PRKCB: variants seen among roughly 807,000 people sequenced by gnomAD.
The protein encoded by PRKCB is protein kinase C beta type.
PRKCB carries 13 observed loss-of-function variants against 81.5 expected under a neutral mutation model. The ratio of observed to expected loss-of-function variants is 0.16; its 90% CI spans 0.10 to 0.25. The LOEUF is 0.25. Among genes scored for constraint, PRKCB ranks in the 10% least tolerant of loss-of-function variants. The probability of loss-of-function intolerance (pLI) is 1.00; values close to 1 mark genes in which losing one functional copy is unlikely to be tolerated. For missense variants in PRKCB, 509 were observed against 875.7 expected, an observed-to-expected ratio of 0.58 and a Z score of 5.29; for synonymous variants, 335 against 321.4, an observed-to-expected ratio of 1.04 and a Z score of -0.45.
intron 2 of PRKCB, among the ~76,000 whole-genome samples, chr16:23,977,923 C>CTCAT (rs753963144): frequency 6.6e-6 from 1 of 152,104 alleles, no homozygotes; most frequent in Non-Finnish European, 1.5e-5. Flanking sequence ...ACCAGAAGAG[C>CTCAT]TCATTCATTC....
At position 23,836,295 on chromosome 16, in the gene PRKCB, C is replaced by T. The variant is rs1487689045; in HGVS notation, c.120C>T (p.Thr40=). Reference sequence around the variant, plus strand: ...ATGAGGTCAAGAACCACAAATTCACCGCCCGCTTCTTCAAGCAGCCCACCT... The same window carrying T: ...ATGAGGTCAAGAACCACAAATTCACTGCCCGCTTCTTCAAGCAGCCCACCT... ...NVHEVKNHKF[T]ARFFKQPTFC... is the part of the protein sequence containing the mutation. Residue 40 remains threonine, a synonymous_variant, in exon 1 of 17, where the codon ACC becomes ACT. Coordinates refer to ENST00000643927, the MANE Select transcript of PRKCB (RefSeq NM_002738.7). 1.2e-6 allele frequency: 2 copies of T among 1,605,288 alleles called. No homozygotes were observed. The highest frequency in any genetic ancestry group is 1.4e-5 in the African/African-American group (1 of 72,974).
At chr16:24,087,212 G>T (rs552045047) in intron 5 of PRKCB, among the ~76,000 whole-genome samples, 1 of 152,288 alleles carries the variant, frequency 6.6e-6, no homozygotes, top group East Asian at 1.9e-4. Flanking sequence ...TGACAGTTCA[G>T]CTCCAGATTT....
chr16:24,114,017 C>T (rs144704174), intron 8 of PRKCB, among the ~76,000 whole-genome samples: 5 of 151,546 alleles, frequency 3.3e-5, no homozygotes, highest in African/African-American at 1.2e-4. Context: ...AGGAGTTGGA[C>T]ACCAGCCTGG....
At chr16:24,160,807 T>C (rs541539486) in intron 10 of PRKCB, among the ~76,000 whole-genome samples, 53 of 152,122 alleles carry the variant, frequency 3.5e-4, no homozygotes, top group Non-Finnish European at 6.5e-4. Flanking sequence ...AAGGATGACA[T>C]CTGAGCAGAG....
chr16:23,887,914 G>A (rs1963229876), intron 2 of PRKCB, among the ~76,000 whole-genome samples: 1 of 152,192 alleles, frequency 6.6e-6, no homozygotes. Context: ...TCTCCAGCTG[G>A]GGGTGCTGGG....
At chr16:23,979,250 A>G (rs2141811457) in intron 2 of PRKCB, among the ~76,000 whole-genome samples, 1 of 152,352 alleles carries the variant, frequency 6.6e-6, no homozygotes, top group South Asian at 2.1e-4. Flanking sequence ...ACAGTGGCAC[A>G]CGGTGTAGAA....
intron 5 of PRKCB, among the ~76,000 whole-genome samples, chr16:24,055,797 G>A (rs1489587027): frequency 6.6e-6 from 1 of 152,188 alleles, no homozygotes; most frequent in East Asian, 1.9e-4. Context: ...TTTTGTAGGG[G>A]TGTGTGGTGT....
chr16:24,070,540 A>G (rs1291350548), intron 5 of PRKCB, among the ~76,000 whole-genome samples: 1 of 152,222 alleles, frequency 6.6e-6, no homozygotes, highest in African/African-American at 2.4e-5. Context: ...CTAATAGAAC[A>G]GAATAATAAT....
intron 15 of PRKCB, 29 bp from the exon 16 acceptor site, chr16:24,191,061 C>A: frequency 1.9e-6 from 3 of 1,606,910 alleles, no homozygotes; most frequent in Non-Finnish European, 1.7e-6. Flanking sequence ...TGAAACTCAG[C>A]AAATTCAATG....
chr16:23,836,848 G>A (rs1000949268), intron 1 of PRKCB, among the ~76,000 whole-genome samples: 15 of 151,486 alleles, frequency 9.9e-5, no homozygotes, highest in Non-Finnish European at 2.2e-4. Context: ...TGTGCCTCCG[G>A]GCAGCGCCCT....
At chr16:24,204,391 C>G (rs1157470223) in intron 16 of PRKCB, among the ~76,000 whole-genome samples, 1 of 152,088 alleles carries the variant, frequency 6.6e-6, no homozygotes, top group African/African-American at 2.4e-5. Flanking sequence ...TGGATCTTGG[C>G]TCTCCTACTT....
chr16:23,959,263 C>T (rs969967364), intron 2 of PRKCB, among the ~76,000 whole-genome samples: 1 of 152,174 alleles, frequency 6.6e-6, no homozygotes, highest in Non-Finnish European at 1.5e-5. Context: ...TATGGTGATT[C>T]GTCATCATTC....
chr16:23,836,288 A>C lies in PRKCB; in HGVS notation c.113A>C (p.Lys38Thr). 1 of 1,604,882 alleles carries C rather than the reference A, an allele frequency of 6.2e-7. No individual in the cohort carries two copies. The highest frequency in any genetic ancestry group is 8.5e-7 in the Non-Finnish European group (1 of 1,175,986). Residue 38 changes from lysine to threonine, a missense_variant, in exon 1 of 17, where the codon AAA becomes ACA. Lys to Thr is a moderately conservative substitution (Grantham distance 78, BLOSUM62 -1). This residue lies in a region of PRKCB where 184 missense variants were observed against 362.9 expected (regional missense o/e 0.51). Coordinates refer to ENST00000643927, the MANE Select transcript of PRKCB (RefSeq NM_002738.7). ...QKNVHEVKNH[K>T]FTARFFKQPT... ...AACGTGCATGAGGTCAAGAACCACA[A>C]ATTCACCGCCCGCTTCTTCAAGCAG...
At chr16:23,869,348 C>T (rs574691745) in intron 2 of PRKCB, 16 of 289,934 alleles carry the variant, frequency 5.5e-5, no homozygotes, top group African/African-American at 3.3e-4. Flanking sequence ...TGACACGTAG[C>T]ACGAGTAAGA....
intron 2 of PRKCB, among the ~76,000 whole-genome samples, chr16:23,880,422 C>G (rs138250001): frequency 1.5e-4 from 23 of 152,212 alleles, no homozygotes; most frequent in Middle Eastern, 3.4e-3. Flanking sequence ...TGTGATTCTG[C>G]ACGTTTAATT....
At chr16:24,189,860 G>A (rs2141978942) in intron 15 of PRKCB, among the ~76,000 whole-genome samples, 1 of 152,304 alleles carries the variant, frequency 6.6e-6, no homozygotes, top group Middle Eastern at 3.4e-3. Flanking sequence ...CTGGGCAGAA[G>A]ATTCTGCCAT....
chr16:23,879,579 C>T (rs1378060723), intron 2 of PRKCB, among the ~76,000 whole-genome samples: 1 of 140,254 alleles, frequency 7.1e-6, no homozygotes, highest in Non-Finnish European at 1.5e-5. Flanking sequence ...CTGCAACCTC[C>T]GCCTCCCCAG....
chr16:24,011,373 G>A (rs1965200495), intron 3 of PRKCB, among the ~76,000 whole-genome samples: 1 of 152,210 alleles, frequency 6.6e-6, no homozygotes, highest in Non-Finnish European at 1.5e-5. Context: ...GTTTGTGGAT[G>A]AGAGCAGAGT....
intron 9 of PRKCB, among the ~76,000 whole-genome samples, chr16:24,141,876 T>C (rs1037022306): frequency 6.6e-6 from 1 of 152,244 alleles, no homozygotes; most frequent in African/African-American, 2.4e-5. Context: ...ATAGCGACAT[T>C]GGTCGATTGC....
Sources: allele counts gnomAD v4.1 joint callset (sites outside exome capture counted in the v4.1 genomes callset), GRCh38; gene constraint gnomAD v4.1.1; regional missense constraint gnomAD v4.1.1; transcripts MANE v1.5; gene names NCBI Gene and HGNC (gene_info 2026-07-23, HGNC 2026-07-21).